ADGRL3: variants seen among roughly 807,000 people sequenced by gnomAD.
ADGRL3 encodes calcium-independent alpha-latrotoxin receptor 3.
Under a neutral mutation model 153.5 loss-of-function variants are expected in ADGRL3, and 62 were observed. The ratio of observed to expected loss-of-function variants is 0.40; its 90% confidence interval spans 0.33 to 0.50. The LOEUF (loss-of-function observed/expected upper bound fraction) is 0.50, where lower values mean the gene tolerates loss of function less well. Among genes scored for constraint, ADGRL3 ranks in the 20% least tolerant of loss-of-function variants. The pLI is 0.47. For missense variants in ADGRL3, 1,641 were observed against 1,859.4 expected (o/e 0.88, Z 2.16); for synonymous variants, 710 against 672.5 (o/e 1.06, Z -0.86).
At chr4:61,814,675 C>T (rs935213489) in intron 9 of ADGRL3, among the ~76,000 whole-genome samples, 6 of 152,130 alleles carry the variant, frequency 3.9e-5, no homozygotes, top group African/African-American at 1.2e-4. Context: ...TGAGGTCTGA[C>T]GTTTCTGAAC....
intron 2 of ADGRL3, among the ~76,000 whole-genome samples, chr4:61,421,195 T>G (rs368969273): frequency 6.6e-6 from 1 of 151,950 alleles, no homozygotes; most frequent in African/African-American, 2.4e-5. Flanking sequence ...TTAGCTGGGC[T>G]TGGTGGCGGA....
intron 1 of ADGRL3, among the ~76,000 whole-genome samples, chr4:61,291,195 C>CAT (rs1260299032): frequency 9.5e-6 from 1 of 105,674 alleles, no homozygotes; most frequent in East Asian, 2.7e-4. Flanking sequence ...CACACACACA[C>CAT]ACACACACAC....
At chr4:61,538,015 T>C (rs1311381199) in intron 4 of ADGRL3, among the ~76,000 whole-genome samples, 4 of 152,206 alleles carry the variant, frequency 2.6e-5, no homozygotes, top group Admixed American at 1.3e-4. Context: ...GCTGGTACAA[T>C]CCTTTGGAGG....
At chr4:61,758,506 G>A (rs983370577) in intron 8 of ADGRL3, among the ~76,000 whole-genome samples, 5 of 152,088 alleles carry the variant, frequency 3.3e-5, no homozygotes, top group Admixed American at 1.3e-4. Context: ...TGCAACCCCT[G>A]CCTTTTTCTG....
chr4:62,051,624 A>G (rs1021531329), intron 25 of ADGRL3, among the ~76,000 whole-genome samples: 1 of 151,796 alleles, frequency 6.6e-6, no homozygotes, highest in Non-Finnish European at 1.5e-5. Context: ...CTAAACAATA[A>G]TAAACAGTTT....
intron 25 of ADGRL3, chr4:62,063,460 T>G (rs1439906123): frequency 3.1e-6 from 2 of 640,236 alleles, no homozygotes; most frequent in Admixed American, 2.6e-5. Context: ...TTTGCCTGAT[T>G]GACCTTTTTT....
At chr4:61,938,862 CAAAAAAAAA>C (rs71213019) in intron 15 of ADGRL3, among the ~76,000 whole-genome samples, 3 of 71,506 alleles carry the variant, frequency 4.2e-5, no homozygotes, top group Non-Finnish European at 5.0e-5. Flanking sequence ...CCCTCCTCCT[CAAAAAAAAA>C]AAAAAAAAAA....
intron 1 of ADGRL3, among the ~76,000 whole-genome samples, chr4:61,330,217 A>C (rs978901766): frequency 1.3e-5 from 2 of 152,178 alleles, no homozygotes; most frequent in African/African-American, 4.8e-5. Flanking sequence ...TATGGGATGC[A>C]CAGATAGCTG....
chr4:62,030,035 A>G (rs1323483624), intron 22 of ADGRL3, among the ~76,000 whole-genome samples: 1 of 151,650 alleles, frequency 6.6e-6, no homozygotes. Flanking sequence ...GAGATTTTTT[A>G]TTCAAGAATG....
At chr4:61,402,046 T>G (rs1363939383) in intron 2 of ADGRL3, among the ~76,000 whole-genome samples, 1 of 152,126 alleles carries the variant, frequency 6.6e-6, no homozygotes, top group South Asian at 2.1e-4. Flanking sequence ...TGTATTCCAA[T>G]AAAATTTTAA....
intron 9 of ADGRL3, among the ~76,000 whole-genome samples, chr4:61,854,968 C>A (rs2098246188): frequency 6.6e-6 from 1 of 152,134 alleles, no homozygotes; most frequent in Non-Finnish European, 1.5e-5. Context: ...GACCGGCACT[C>A]CTCAATGTCT....
At chr4:61,855,769 T>C (rs2098256375) in intron 9 of ADGRL3, among the ~76,000 whole-genome samples, 2 of 152,126 alleles carry the variant, frequency 1.3e-5, no homozygotes, top group Non-Finnish European at 1.5e-5. Context: ...GTAATTTCTT[T>C]CTTTTTTTTT....
intron 1 of ADGRL3, among the ~76,000 whole-genome samples, chr4:61,258,799 A>G (rs1242812325): frequency 6.6e-6 from 1 of 152,204 alleles, no homozygotes; most frequent in Non-Finnish European, 1.5e-5. Context: ...AGCTACCTCA[A>G]CGGTAATCAC....
intron 21 of ADGRL3, among the ~76,000 whole-genome samples, chr4:62,025,439 C>T (rs560858992): frequency 6.6e-6 from 1 of 152,052 alleles, no homozygotes; most frequent in Non-Finnish European, 1.5e-5. Context: ...TGTTTGTCCC[C>T]TTGCATTTAT....
chr4:61,744,979 C>T (rs1047631219), intron 8 of ADGRL3, among the ~76,000 whole-genome samples: 1 of 151,954 alleles, frequency 6.6e-6, no homozygotes, highest in Non-Finnish European at 1.5e-5. Flanking sequence ...AAAATTTAGG[C>T]GAGTGTATAA....
intron 5 of ADGRL3, among the ~76,000 whole-genome samples, chr4:61,644,908 G>A (rs977523777): frequency 1.1e-4 from 17 of 151,956 alleles, no homozygotes; most frequent in Non-Finnish European, 2.4e-4. Context: ...CATTATTAAT[G>A]TGTGGGAGTC....
At chr4:61,328,628 A>G (rs1057124947) in intron 1 of ADGRL3, among the ~76,000 whole-genome samples, 1 of 152,170 alleles carries the variant, frequency 6.6e-6, no homozygotes, top group Non-Finnish European at 1.5e-5. Context: ...ATATTTTATT[A>G]ACGATTAATT....
At chr4:61,538,324 A>T (rs947966237) in intron 4 of ADGRL3, among the ~76,000 whole-genome samples, 1 of 152,064 alleles carries the variant, frequency 6.6e-6, no homozygotes, top group African/African-American at 2.4e-5. Flanking sequence ...GATGTGTTGG[A>T]TGTGTGAGTT....
At chr4:61,575,163 T>A (rs1497906) in intron 4 of ADGRL3, among the ~76,000 whole-genome samples, 94,411 of 151,752 alleles carry the variant, frequency 0.62, 31,072 homozygotes, top group African/African-American at 0.84. Context: ...CCATTTGAGA[T>A]TTTAATCATC....
Sources: gnomAD v4.1 joint callset for allele counts (sites outside exome capture counted in the v4.1 genomes callset) on GRCh38, gnomAD v4.1.1 for gene constraint, MANE v1.5 for transcripts, NCBI Gene and HGNC (gene_info 2026-07-23, HGNC 2026-07-21) for gene names.